Variants in CDH7 observed in about 807,000 individuals in gnomAD.
CDH7 encodes the protein cadherin 7, also known as cadherin-7.
Under a neutral mutation model 71.8 loss-of-function variants are expected in CDH7, and 25 were observed. The ratio of observed to expected loss-of-function variants is 0.35; its 90% confidence interval spans 0.25 to 0.49. The LOEUF is 0.49. CDH7 is among the 20% of genes least tolerant of loss of function. CDH7 has a pLI of 0.99. For synonymous variants in CDH7, 381 were observed against 363.8 expected, an observed-to-expected ratio of 1.05 and a Z score of -0.54; for missense variants, 862 against 974.6, an observed-to-expected ratio of 0.88 and a Z score of 1.54.
rs1391485100 is a variant in CDH7 at position 65,880,311 on chromosome 18, T to G, written c.1865-90T>G. 3.8e-6 allele frequency: 5 copies of G among 1,331,618 alleles called. No homozygotes were observed. The African/African-American group carries it at 7.3e-5, about 20-fold the overall frequency. 82.5% of individuals were successfully genotyped at this position (1,331,618 alleles called of 1,614,324 possible). ...ATTTCTCTTTAAAGGGAAGAAAACC[T>G]GTAACTCAGCGTCCTAGGCCTAATT... On this transcript the variant is annotated intron_variant, in intron 11 of 11. Coordinates refer to ENST00000397968, the MANE Select transcript of CDH7 (RefSeq NM_004361.5).
chr18:65,784,337 G>T (rs1415475899), intron 2 of CDH7, among the ~76,000 whole-genome samples: 1 of 152,054 alleles, frequency 6.6e-6, no homozygotes, highest in African/African-American at 2.4e-5. Flanking sequence ...GAACAAAGTG[G>T]ACACCTGGGG....
At chr18:65,760,305 T>C (rs1301923790) in intron 1 of CDH7, among the ~76,000 whole-genome samples, 1 of 152,198 alleles carries the variant, frequency 6.6e-6, no homozygotes, top group African/African-American at 2.4e-5. Context: ...GAATTTAACT[T>C]ATTCAAGATT....
At chr18:65,853,485 T>C (rs1487513970) in intron 7 of CDH7, among the ~76,000 whole-genome samples, 1 of 152,158 alleles carries the variant, frequency 6.6e-6, no homozygotes, top group Non-Finnish European at 1.5e-5. Flanking sequence ...CCTAAGGATT[T>C]TTTTTTTCTC....
intron 6 of CDH7, among the ~76,000 whole-genome samples, chr18:65,842,380 A>G (rs1323733882): frequency 1.3e-5 from 2 of 149,812 alleles, no homozygotes; most frequent in Non-Finnish European, 2.9e-5. Context: ...TTGTATATTG[A>G]TTTATATATA....
rs760774955 is a variant in CDH7 at position 65,824,697 on chromosome 18, A to C, written c.847A>C (p.Arg283=). 2.5e-6 allele frequency: 4 copies of C among 1,612,364 alleles called. No homozygotes were observed. In the Admixed American group the frequency reaches 6.7e-5, roughly 27 times the overall value. Residue 283 remains arginine, a synonymous_variant, in exon 6 of 12, where the codon AGA becomes CGA. Transcript: ENST00000397968. ...ATTACCTGTAGCCTCAGTTGTGGCC[A>C]GAATTAAAGCTGCTGATGCAGATAT... ...ESLPVASVVA[R]IKAADADIGA...
chr18:65,878,638 A>G (rs1395293754), intron 11 of CDH7, among the ~76,000 whole-genome samples: 1 of 151,952 alleles, frequency 6.6e-6, no homozygotes, highest in Non-Finnish European at 1.5e-5. Flanking sequence ...TTTTGAACTT[A>G]GGTTGGTGCA....
intron 6 of CDH7, among the ~76,000 whole-genome samples, chr18:65,837,078 T>A (rs1374456754): frequency 6.6e-6 from 1 of 152,146 alleles, no homozygotes; most frequent in African/African-American, 2.4e-5. Flanking sequence ...ATTTATTGTT[T>A]ATATATTATC....
At chr18:65,794,867 T>C (rs554295270) in intron 2 of CDH7, among the ~76,000 whole-genome samples, 24 of 152,276 alleles carry the variant, frequency 1.6e-4, no homozygotes, top group African/African-American at 5.5e-4. Context: ...TTTTCTCATG[T>C]ATAAAATTAG....
chr18:65,866,466 G>A (rs1913765937), intron 11 of CDH7: 2 of 151,796 alleles, frequency 1.3e-5, no homozygotes, highest in Non-Finnish European at 2.9e-5. Flanking sequence ...GTAACATGAC[G>A]GATGGGGATG....
chr18:65,791,216 G>A (rs189223803), intron 2 of CDH7, among the ~76,000 whole-genome samples: 2 of 152,286 alleles, frequency 1.3e-5, no homozygotes, highest in Admixed American at 6.5e-5. Context: ...GTACATGTAT[G>A]TGTGTTTACA....
At chr18:65,784,585 GA>G (rs1213144371) in intron 2 of CDH7, among the ~76,000 whole-genome samples, 1 of 152,144 alleles carries the variant, frequency 6.6e-6, no homozygotes, top group Admixed American at 6.6e-5. Context: ...ACCATTAGGA[GA>G]AAAAGTCCTA....
chr18:65,780,464 C>A (rs566490313), intron 2 of CDH7, among the ~76,000 whole-genome samples: 29 of 136,586 alleles, frequency 2.1e-4, no homozygotes, highest in African/African-American at 8.4e-4. Context: ...TTTAATCCAT[C>A]TTGAATTGAT....
chr18:65,814,716 T>C, intron 4 of CDH7, 112 bp downstream of exon 4: 1 of 819,026 alleles, frequency 1.2e-6, no homozygotes. Flanking sequence ...ATTATGCTTC[T>C]CTCAATATGT....
intron 2 of CDH7, among the ~76,000 whole-genome samples, chr18:65,788,031 CAT>C (rs552053361): frequency 5.9e-5 from 9 of 152,142 alleles, no homozygotes; most frequent in Non-Finnish European, 1.3e-4. Flanking sequence ...AGAGAAAAAA[CAT>C]ATATTAACTC....
At chr18:65,815,033 G>A (rs1053463211) in intron 4 of CDH7, among the ~76,000 whole-genome samples, 1 of 151,822 alleles carries the variant, frequency 6.6e-6, no homozygotes, top group African/African-American at 2.4e-5. Context: ...TTTTTCTCAG[G>A]GAAATTAGTT....
At chr18:65,818,182 G>C (rs1911787704) in intron 4 of CDH7, among the ~76,000 whole-genome samples, 1 of 152,124 alleles carries the variant, frequency 6.6e-6, no homozygotes, top group South Asian at 2.1e-4. Flanking sequence ...ACACACCTAA[G>C]AATGTCTATA....
intron 3 of CDH7, among the ~76,000 whole-genome samples, chr18:65,810,336 C>T (rs536138680): frequency 2.8e-4 from 42 of 152,206 alleles, no homozygotes; most frequent in Admixed American, 4.6e-4. Context: ...AAACAGAATT[C>T]TTCCAGACAC....
chr18:65,853,760 A>G (rs1913229414), intron 7 of CDH7, among the ~76,000 whole-genome samples: 1 of 151,456 alleles, frequency 6.6e-6, no homozygotes, highest in Non-Finnish European at 1.5e-5. Context: ...TTTCTTCCTC[A>G]ATATTTATTA....
Position 65,766,885 on chromosome 18 carries a change from TA to T in CDH7, c.210+3870del, listed in dbSNP as rs61611288. Among the ~76,000 whole-genome samples the T allele has an allele frequency of 7.9e-3, 693 of 88,106 alleles. 1 individual carries two copies. The highest frequency in any genetic ancestry group is 0.014 in the Non-Finnish European group (518 of 36,376). 57.8% of individuals were successfully genotyped at this position (88,106 alleles called of 152,430 possible). A position where few individuals can be genotyped will look rare whatever the true frequency, so the allele number is the denominator to read the frequency against. On this transcript the variant is annotated intron_variant, in intron 2 of 11. Coordinates refer to ENST00000397968, the MANE Select transcript of CDH7 (RefSeq NM_004361.5). Reference sequence around the variant, plus strand: ...CTTAACGTCCTGTAACTGTCTGACGTAAAAAAAAAAAAAAAAAAAAAAAAAA... The same window carrying T: ...CTTAACGTCCTGTAACTGTCTGACGTAAAAAAAAAAAAAAAAAAAAAAAAA...
Sources: gnomAD v4.1 joint callset for allele counts (sites outside exome capture counted in the v4.1 genomes callset) on GRCh38, gnomAD v4.1.1 for gene constraint, MANE v1.5 for transcripts, NCBI Gene and HGNC (gene_info 2026-07-23, HGNC 2026-07-21) for gene names.